The following LRP1B variants were observed in gnomAD, a reference collection of about 807,000 sequenced individuals.
LRP1B encodes LDL receptor related protein 1B, also known as low-density lipoprotein receptor-related protein 1B.
In LRP1B, 217 loss-of-function variants were observed where a neutral mutation model predicts 556.6. That is an observed-to-expected ratio of 0.39 (90% confidence interval 0.35 to 0.44). LRP1B has a LOEUF of 0.44. LRP1B is among the 20% of genes least tolerant of loss of function. LRP1B has a pLI of 1.00. For synonymous variants in LRP1B, 2,047 were observed against 1,865.8 expected (o/e 1.10, Z -2.50); for missense variants, 5,053 against 5,620.8 (o/e 0.90, Z 3.23).
chr2:140,967,525 C>T (rs1558769950), intron 18 of LRP1B, among the ~76,000 whole-genome samples: 1 of 152,036 alleles, frequency 6.6e-6, no homozygotes, highest in Non-Finnish European at 1.5e-5. Context: ...AATGAATGCC[C>T]TTTATTTCTT....
intron 51 of LRP1B, among the ~76,000 whole-genome samples, chr2:140,510,449 C>T (rs1331051766): frequency 6.6e-6 from 1 of 152,162 alleles, no homozygotes; most frequent in African/African-American, 2.4e-5. Flanking sequence ...AAGCACTTAA[C>T]ATATTAACTC....
At chr2:140,931,447 A>G (rs1695046439) in intron 20 of LRP1B, among the ~76,000 whole-genome samples, 1 of 152,226 alleles carries the variant, frequency 6.6e-6, no homozygotes, top group East Asian at 1.9e-4. Context: ...AAAATTCGTC[A>G]TGAGTACATA....
At chr2:141,214,135 T>C (rs994076968) in intron 6 of LRP1B, among the ~76,000 whole-genome samples, 23 of 152,240 alleles carry the variant, frequency 1.5e-4, no homozygotes, top group African/African-American at 4.8e-4. Flanking sequence ...GCTGACTGTA[T>C]TCTTTTTACA....
At chr2:140,562,301 G>A (rs1402961909) in intron 43 of LRP1B, among the ~76,000 whole-genome samples, 1 of 152,024 alleles carries the variant, frequency 6.6e-6, no homozygotes, top group African/African-American at 2.4e-5. Context: ...ATATACTAAT[G>A]GTTTTGCAAT....
At chr2:141,611,548 A>C (rs1192262289) in intron 2 of LRP1B, among the ~76,000 whole-genome samples, 1 of 152,198 alleles carries the variant, frequency 6.6e-6, no homozygotes, top group Non-Finnish European at 1.5e-5. Flanking sequence ...CAGCTAGTAC[A>C]AAAGGAGAGG....
intron 2 of LRP1B, among the ~76,000 whole-genome samples, chr2:141,803,928 C>T (rs556245857): frequency 6.6e-6 from 1 of 152,228 alleles, no homozygotes; most frequent in South Asian, 2.1e-4. Flanking sequence ...AATTTCACAA[C>T]AACGGAAACA....
At chr2:142,048,396 T>C (rs1704331058) in intron 1 of LRP1B, among the ~76,000 whole-genome samples, 1 of 152,070 alleles carries the variant, frequency 6.6e-6, no homozygotes, top group Non-Finnish European at 1.5e-5. Flanking sequence ...TTGCACATAA[T>C]GGACTGATCT....
intron 1 of LRP1B, among the ~76,000 whole-genome samples, chr2:142,121,231 G>A (rs1209567896): frequency 6.6e-6 from 1 of 152,110 alleles, no homozygotes; most frequent in African/African-American, 2.4e-5. Flanking sequence ...GATAATCCCT[G>A]AACTGGATTC....
At chr2:140,725,787 C>T (rs537253606) in intron 35 of LRP1B, among the ~76,000 whole-genome samples, 1 of 152,080 alleles carries the variant, frequency 6.6e-6, no homozygotes, top group African/African-American at 2.4e-5. Context: ...CATGTCCCAG[C>T]CTCACATCAT....
intron 2 of LRP1B, among the ~76,000 whole-genome samples, chr2:141,578,159 G>C (rs1229340552): frequency 6.6e-6 from 1 of 152,128 alleles, no homozygotes; most frequent in Non-Finnish European, 1.5e-5. Context: ...ACTTTGGGAG[G>C]CTGAGGCAGA....
At chr2:141,460,239 A>G (rs1559081909) in intron 3 of LRP1B, among the ~76,000 whole-genome samples, 2 of 152,292 alleles carry the variant, frequency 1.3e-5, no homozygotes, top group East Asian at 3.9e-4. Flanking sequence ...ACAATCATCC[A>G]TTAGCTCTTC....
intron 41 of LRP1B, among the ~76,000 whole-genome samples, chr2:140,643,574 C>A (rs1281928313): frequency 6.6e-6 from 1 of 152,108 alleles, no homozygotes; most frequent in Admixed American, 6.5e-5. Context: ...AATATAATGG[C>A]AAGCTGATGT....
At chr2:141,071,930 C>T (rs994660769) in intron 7 of LRP1B, among the ~76,000 whole-genome samples, 1 of 152,160 alleles carries the variant, frequency 6.6e-6, no homozygotes, top group Admixed American at 6.6e-5. Flanking sequence ...CCATACTGCC[C>T]AAGGTAATTT....
At chr2:140,809,368 T>A (rs1317976177) in intron 32 of LRP1B, among the ~76,000 whole-genome samples, 1 of 152,190 alleles carries the variant, frequency 6.6e-6, no homozygotes, top group East Asian at 1.9e-4. Context: ...TTAATATTCC[T>A]TATGGCAAAA....
At chr2:141,882,847 A>C (rs1698997118) in intron 1 of LRP1B, among the ~76,000 whole-genome samples, 1 of 152,164 alleles carries the variant, frequency 6.6e-6, no homozygotes, top group Non-Finnish European at 1.5e-5. Flanking sequence ...TGCAGGGGTT[A>C]TAGGCACACA....
intron 3 of LRP1B, among the ~76,000 whole-genome samples, chr2:141,289,428 G>T (rs182238914): frequency 6.7e-6 from 1 of 148,234 alleles, no homozygotes. Flanking sequence ...GCATAAAAAG[G>T]CATCTGGGTA....
chr2:140,486,253 A>C (rs1227415971), intron 58 of LRP1B, among the ~76,000 whole-genome samples: 1 of 152,054 alleles, frequency 6.6e-6, no homozygotes, highest in East Asian at 1.9e-4. Context: ...ACAGTTAAAG[A>C]CAAGAAAATG....
chr2:140,333,700 T>A (rs148757070), intron 79 of LRP1B, among the ~76,000 whole-genome samples: 4 of 151,896 alleles, frequency 2.6e-5, no homozygotes, highest in African/African-American at 7.2e-5. Context: ...GTATAGTCGG[T>A]GGAGGGTAGG....
chr2:140,799,621 C>T (rs1395310469), intron 32 of LRP1B, among the ~76,000 whole-genome samples: 1 of 152,146 alleles, frequency 6.6e-6, no homozygotes. Flanking sequence ...GATTTTTCCC[C>T]AGACTTATGC....
Sources: allele counts gnomAD v4.1 joint callset (sites outside exome capture counted in the v4.1 genomes callset), GRCh38; gene constraint gnomAD v4.1.1; transcripts MANE v1.5; gene names NCBI Gene and HGNC (gene_info 2026-07-23, HGNC 2026-07-21).